The following NAV3 variants were observed in gnomAD, a reference collection of about 807,000 sequenced individuals.
The protein encoded by NAV3 is pore membrane and/or filament interacting like protein 1.
NAV3 carries 87 observed loss-of-function variants against 244.7 expected under a neutral mutation model. The observed-to-expected ratio is 0.36, with a 90% CI of 0.30 to 0.42. The LOEUF is 0.42. NAV3 is among the 20% of genes least tolerant of loss of function. The pLI, the probability that NAV3 is intolerant of heterozygous loss-of-function variation, is 1.00. For missense variants in NAV3, 2,663 were observed against 2,893.3 expected, an observed-to-expected ratio of 0.92 and a Z score of 1.83; for synonymous variants, 1,126 against 1,042.2, an observed-to-expected ratio of 1.08 and a Z score of -1.55.
chr12:77,731,488 A>G (rs1877125570), intron 2 of NAV3, among the ~76,000 whole-genome samples: 1 of 152,078 alleles, frequency 6.6e-6, no homozygotes, highest in Admixed American at 6.6e-5. Context: ...TTAGTATAAC[A>G]TAAACACTGA....
chr12:77,976,667 T>TTTCTTTC (rs1162135347), intron 5 of NAV3, among the ~76,000 whole-genome samples: 36 of 55,454 alleles, frequency 6.5e-4, no homozygotes, highest in African/African-American at 1.8e-3. Context: ...TCTTTCTTTC[T>TTTCTTTC]TTTTTTCTTT....
At chr12:78,151,422 C>A (rs992186328) in intron 22 of NAV3, among the ~76,000 whole-genome samples, 4 of 151,992 alleles carry the variant, frequency 2.6e-5, no homozygotes, top group African/African-American at 9.7e-5. Context: ...AATTCTGATA[C>A]ATCTATATCA....
At chr12:78,035,702 T>G (rs973279743) in intron 9 of NAV3, among the ~76,000 whole-genome samples, 1 of 152,178 alleles carries the variant, frequency 6.6e-6, no homozygotes, top group African/African-American at 2.4e-5. Flanking sequence ...GGAAAACCCT[T>G]TTGAGTTATT....
intron 2 of NAV3, among the ~76,000 whole-genome samples, chr12:77,705,824 AG>A (rs2137224137): frequency 6.6e-6 from 1 of 151,584 alleles, no homozygotes; most frequent in African/African-American, 2.4e-5. Flanking sequence ...ATTAATGAAA[AG>A]TTATTATGGC....
chr12:77,654,443 G>A (rs1223424771), intron 2 of NAV3, among the ~76,000 whole-genome samples: 1 of 152,186 alleles, frequency 6.6e-6, no homozygotes, highest in East Asian at 1.9e-4. Context: ...GGTAAACAAA[G>A]CAGTCAGGAA....
At chr12:77,994,403 CTTTTACATTTTAAACT>C (rs1462856587) in intron 5 of NAV3, among the ~76,000 whole-genome samples, 6 of 152,328 alleles carry the variant, frequency 3.9e-5, no homozygotes, top group Admixed American at 3.9e-4. Context: ...TCATACTCTT[CTTTTACATTTTAAACT>C]TTTTAAGAAA....
intron 1 of NAV3, among the ~76,000 whole-genome samples, chr12:77,937,346 G>A (rs934309317): frequency 1.3e-5 from 2 of 152,116 alleles, no homozygotes; most frequent in African/African-American, 4.8e-5. Flanking sequence ...TACCAACAAG[G>A]TATCTTGAAG....
chr12:77,685,730 A>C (rs1400138147), intron 2 of NAV3, among the ~76,000 whole-genome samples: 1 of 152,158 alleles, frequency 6.6e-6, no homozygotes, highest in Non-Finnish European at 1.5e-5. Flanking sequence ...AAAAATAATT[A>C]GTTTTAGTAT....
intron 2 of NAV3, among the ~76,000 whole-genome samples, chr12:77,748,800 G>A (rs750800417): frequency 2.0e-5 from 3 of 152,120 alleles, no homozygotes; most frequent in Non-Finnish European, 4.4e-5. Context: ...GAGATCTACT[G>A]TACAGCATGG....
chr12:78,154,326 A>ATATAATATATATATACTG (rs1439331589), intron 22 of NAV3, among the ~76,000 whole-genome samples: 5 of 71,906 alleles, frequency 7.0e-5, no homozygotes, highest in Admixed American at 1.9e-4. Context: ...TATATATAGT[A>ATATAATATATATATACTG]TATATTATAT....
chr12:77,593,862 G>A (rs1004075000), intron 2 of NAV3, among the ~76,000 whole-genome samples: 1 of 150,612 alleles, frequency 6.6e-6, no homozygotes, highest in Non-Finnish European at 1.5e-5. Flanking sequence ...TTTGTCAAAC[G>A]TCTTAATGTT....
chr12:77,899,048 G>C (rs1239428113), intron 1 of NAV3, among the ~76,000 whole-genome samples: 1 of 152,202 alleles, frequency 6.6e-6, no homozygotes, highest in African/African-American at 2.4e-5. Context: ...GGAGCCTGAA[G>C]ATATGACTGA....
At chr12:78,162,876 A>G (rs1191648080) in intron 23 of NAV3, among the ~76,000 whole-genome samples, 1 of 138,894 alleles carries the variant, frequency 7.2e-6, no homozygotes, top group Non-Finnish European at 1.6e-5. Flanking sequence ...AAAAATATAT[A>G]TATATAATAT....
rs112473462 is a variant in NAV3, at chr12:77,769,129, G to C, written c.73-171190G>C. On this transcript the variant is annotated intron_variant, in intron 2 of 8. Coordinates refer to the NAV3 transcript ENST00000550042. ...TGGAAAGGTTCAGTAATTTGCTCAA[G>C]GTAACTTATATGGTAAATAGCTGAG... Among the ~76,000 whole-genome samples, 462 of 152,228 alleles carry C rather than the reference G, an allele frequency of 3.0e-3. 1 individual carries two copies. Among genetic ancestry groups the C allele is most frequent in the Non-Finnish European group, 4.9e-3 (330 of 68,012 alleles).
chr12:77,732,914 G>A (rs1369210934), intron 2 of NAV3, among the ~76,000 whole-genome samples: 1 of 152,042 alleles, frequency 6.6e-6, no homozygotes, highest in Admixed American at 6.6e-5. Context: ...CATTTAAAGA[G>A]TACATGTGGG....
At chr12:78,068,937 A>G (rs1466486467) in intron 12 of NAV3, among the ~76,000 whole-genome samples, 2 of 151,550 alleles carry the variant, frequency 1.3e-5, no homozygotes, top group Non-Finnish European at 2.9e-5. Context: ...TATACATGAA[A>G]CACTTCGTTA....
chr12:77,640,851 A>T (rs1872377951), intron 2 of NAV3, among the ~76,000 whole-genome samples: 1 of 152,160 alleles, frequency 6.6e-6, no homozygotes, highest in African/African-American at 2.4e-5. Flanking sequence ...ACTCACACCC[A>T]AGTAAACATG....
At chr12:78,032,768 A>G (rs994388846) in intron 9 of NAV3, among the ~76,000 whole-genome samples, 1 of 152,170 alleles carries the variant, frequency 6.6e-6, no homozygotes, top group Non-Finnish European at 1.5e-5. Flanking sequence ...TCTCACATTC[A>G]TTGACAGAAA....
At chr12:78,167,878 T>A (rs1055325547) in intron 23 of NAV3, among the ~76,000 whole-genome samples, 4 of 151,678 alleles carry the variant, frequency 2.6e-5, no homozygotes, top group Non-Finnish European at 5.9e-5. Flanking sequence ...TTTCTTTCTA[T>A]CTTTTTTTGA....
Sources: allele counts gnomAD v4.1 joint callset (sites outside exome capture counted in the v4.1 genomes callset), GRCh38; gene constraint gnomAD v4.1.1; transcripts MANE v1.5; gene names NCBI Gene and HGNC (gene_info 2026-07-23, HGNC 2026-07-21).